Variants in IL1RAPL2 observed in about 807,000 individuals in gnomAD.
The protein encoded by IL1RAPL2 is X-linked interleukin-1 receptor accessory protein-like 2.
IL1RAPL2 carries 3 observed loss-of-function variants against 44.1 expected under a neutral mutation model. The observed-to-expected ratio is 0.07, with a 90% CI of 0.03 to 0.18. IL1RAPL2 has a LOEUF of 0.18. IL1RAPL2 is among the 10% of genes least tolerant of loss of function. The probability of loss-of-function intolerance (pLI) is 1.00; values close to 1 mark genes in which losing one functional copy is unlikely to be tolerated. For missense variants in IL1RAPL2, 391 were observed against 496.4 expected (o/e 0.79, Z 2.02); for synonymous variants, 181 against 178.8 (o/e 1.01, Z -0.10).
chrX:105,309,885 T>C (rs915950075), intron 5 of IL1RAPL2, among the ~76,000 whole-genome samples: 58 of 111,901 alleles, frequency 5.2e-4, no homozygotes, highest in Non-Finnish European at 9.8e-4. Flanking sequence ...TATGTGTATG[T>C]GTGCATATTT....
intron 2 of IL1RAPL2, among the ~76,000 whole-genome samples, chrX:105,106,255 A>G (rs186952299): frequency 3.0e-4 from 34 of 111,595 alleles, no homozygotes; most frequent in African/African-American, 1.1e-3. Context: ...TGTATGAAGA[A>G]TGTGACATAG....
chrX:104,814,287 A>C lies in IL1RAPL2; in HGVS notation c.82+155292A>C, dbSNP rs776782692. On this transcript the variant is annotated intron_variant, in intron 2 of 10. Coordinates refer to ENST00000372582, the MANE Select transcript of IL1RAPL2 (RefSeq NM_017416.2). Reference sequence around the variant, plus strand: ...GTTTTCTCCACTTACTCTGGCCATTACTAATCTGACCTTTCTCTGAACTGT... The same window carrying C: ...GTTTTCTCCACTTACTCTGGCCATTCCTAATCTGACCTTTCTCTGAACTGT... 2.7e-5 allele frequency among the ~76,000 whole-genome samples: 3 copies of C among 112,297 alleles called. No individual in the cohort carries two copies. In the South Asian group the frequency reaches 1.1e-3, roughly 41 times the overall value.
intron 5 of IL1RAPL2, among the ~76,000 whole-genome samples, chrX:105,338,588 T>A (rs1005294259): frequency 8.9e-6 from 1 of 111,887 alleles, no homozygotes. Flanking sequence ...TCCATTATCA[T>A]AGCATTGCAT....
chrX:105,064,431 G>A (rs771599079), intron 2 of IL1RAPL2, among the ~76,000 whole-genome samples: 5 of 111,831 alleles, frequency 4.5e-5, no homozygotes, highest in Admixed American at 9.5e-5. Flanking sequence ...TGGTTGTTAC[G>A]AAGATGCTTT....
chrX:105,043,805 A>G (rs1014162872), intron 2 of IL1RAPL2, among the ~76,000 whole-genome samples: 2 of 111,422 alleles, frequency 1.8e-5, no homozygotes, highest in Non-Finnish European at 3.8e-5. Context: ...TGCCTGGTCC[A>G]TATTTAGGTT....
intron 6 of IL1RAPL2, among the ~76,000 whole-genome samples, chrX:105,666,039 G>C (rs780522352): frequency 1.8e-5 from 2 of 108,858 alleles, no homozygotes; most frequent in East Asian, 5.7e-4. Flanking sequence ...TGGGATTACA[G>C]GCGTGAGCCA....
intron 2 of IL1RAPL2, among the ~76,000 whole-genome samples, chrX:104,906,576 G>T (rs1478717637): frequency 8.9e-6 from 1 of 111,890 alleles, no homozygotes. Flanking sequence ...TGTGGTTTTT[G>T]TCTTTGGCTC....
At chrX:104,590,296 C>A (rs1602633526) in intron 1 of IL1RAPL2, among the ~76,000 whole-genome samples, 1 of 111,755 alleles carries the variant, frequency 8.9e-6, no homozygotes, top group South Asian at 3.8e-4. Context: ...CCATGTGTCT[C>A]GATCTCTCAA....
chrX:105,610,899 C>T (rs1325707301), intron 6 of IL1RAPL2, among the ~76,000 whole-genome samples: 1 of 111,344 alleles, frequency 9.0e-6, no homozygotes, highest in African/African-American at 3.3e-5. Flanking sequence ...GTAAAAACAG[C>T]CTCAGGCAGG....
chrX:104,598,132 G>A (rs1248512300), intron 1 of IL1RAPL2, among the ~76,000 whole-genome samples: 2 of 112,097 alleles, frequency 1.8e-5, no homozygotes, highest in East Asian at 2.8e-4. Context: ...GAAATTCTTC[G>A]TATACTTATG....
chrX:105,343,316 G>A (rs2035085728), intron 5 of IL1RAPL2, among the ~76,000 whole-genome samples: 1 of 111,920 alleles, frequency 8.9e-6, no homozygotes, highest in South Asian at 3.7e-4. Context: ...AATAGAATGA[G>A]TTTTAAAAGA....
chrX:104,823,817 A>G (rs1921376121), intron 2 of IL1RAPL2, among the ~76,000 whole-genome samples: 1 of 112,152 alleles, frequency 8.9e-6, no homozygotes, highest in Admixed American at 9.5e-5. Flanking sequence ...TAAATATACA[A>G]TCATGTCATC....
At chrX:104,600,529 T>A (rs759023574) in intron 1 of IL1RAPL2, among the ~76,000 whole-genome samples, 54 of 100,817 alleles carry the variant, frequency 5.4e-4, no homozygotes, top group African/African-American at 2.1e-3. Context: ...TTTTTTCAAC[T>A]TTTTTTTTTT....
intron 5 of IL1RAPL2, among the ~76,000 whole-genome samples, chrX:105,301,796 C>A (rs2034699914): frequency 8.9e-6 from 1 of 112,013 alleles, no homozygotes; most frequent in African/African-American, 3.2e-5. Flanking sequence ...TTGGTTGCTT[C>A]CAAATCTTGG....
At chrX:105,059,832 A>G (rs1042104181) in intron 2 of IL1RAPL2, among the ~76,000 whole-genome samples, 1 of 111,917 alleles carries the variant, frequency 8.9e-6, no homozygotes, top group Non-Finnish European at 1.9e-5. Context: ...CCCAGCCCAC[A>G]TTTTCTTTAT....
intron 2 of IL1RAPL2, among the ~76,000 whole-genome samples, chrX:104,784,472 A>G (rs997812114): frequency 8.9e-6 from 1 of 111,810 alleles, no homozygotes; most frequent in South Asian, 3.8e-4. Flanking sequence ...GGCTATTGCT[A>G]GTCTCCTCAT....
intron 5 of IL1RAPL2, among the ~76,000 whole-genome samples, chrX:105,358,452 G>T (rs899951014): frequency 9.2e-6 from 1 of 108,907 alleles, no homozygotes; most frequent in African/African-American, 3.4e-5. Flanking sequence ...GAGGCAGGCA[G>T]GTCACTTGAG....
intron 5 of IL1RAPL2, among the ~76,000 whole-genome samples, chrX:105,416,675 T>C (rs1280990991): frequency 8.9e-6 from 1 of 112,157 alleles, no homozygotes; most frequent in Non-Finnish European, 1.9e-5. Context: ...ACTCTATATT[T>C]ATTAAATCAG....
chrX:105,527,083 A>T (rs2036599500), intron 6 of IL1RAPL2, among the ~76,000 whole-genome samples: 1 of 111,293 alleles, frequency 9.0e-6, no homozygotes, highest in Non-Finnish European at 1.9e-5. Flanking sequence ...TGAATTCTGG[A>T]CAAGTGCAAT....
Sources: gnomAD v4.1 joint callset for allele counts (sites outside exome capture counted in the v4.1 genomes callset) on GRCh38, gnomAD v4.1.1 for gene constraint, MANE v1.5 for transcripts, NCBI Gene and HGNC (gene_info 2026-07-23, HGNC 2026-07-21) for gene names.